ZNF410: variants seen among roughly 807,000 people sequenced by gnomAD.
ZNF410 encodes the protein another partner for ARF 1.
ZNF410 carries 18 observed loss-of-function variants against 54.8 expected under a neutral mutation model. That is an observed-to-expected ratio of 0.33 (90% confidence interval 0.23 to 0.49). ZNF410 has a LOEUF of 0.49. Among genes scored for constraint, ZNF410 ranks in the 20% least tolerant of loss-of-function variants. ZNF410 has a pLI of 0.99. For synonymous variants in ZNF410, 191 were observed against 207.3 expected (o/e 0.92, Z 0.68); for missense variants, 405 against 569.6 (o/e 0.71, Z 2.94).
chr14:73,911,907 A>G (rs775743521), intron 8 of ZNF410, among the ~76,000 whole-genome samples: 2 of 152,258 alleles, frequency 1.3e-5, no homozygotes, highest in African/African-American at 4.8e-5. Context: ...GTTGACTCCT[A>G]TAGAATAGCC....
intron 11 of ZNF410, among the ~76,000 whole-genome samples, chr14:73,925,398 G>A (rs1238827113): frequency 6.6e-6 from 1 of 151,854 alleles, no homozygotes; most frequent in East Asian, 1.9e-4. Context: ...AGTTACGGCT[G>A]AGAGCGGCAG....
At chr14:73,918,823 C>T (rs912157626) in intron 8 of ZNF410, among the ~76,000 whole-genome samples, 47 of 149,590 alleles carry the variant, frequency 3.1e-4, no homozygotes, top group Admixed American at 2.2e-3. Flanking sequence ...CTCAGCGTAC[C>T]GAGTAGCTGG....
chr14:73,896,133 G>C, intron 3 of ZNF410, 183 bp from the exon 4 acceptor site: 1 of 581,008 alleles, frequency 1.7e-6, no homozygotes, highest in Non-Finnish European at 3.0e-6. Flanking sequence ...TTGGCTGACT[G>C]CCTTTGGAAC....
chr14:73,907,121 C>G (rs1434646747), intron 7 of ZNF410, among the ~76,000 whole-genome samples: 1 of 152,086 alleles, frequency 6.6e-6, no homozygotes, highest in East Asian at 1.9e-4. Context: ...GATAAAGGAA[C>G]AGAAGATTAG....
intron 5 of ZNF410, among the ~76,000 whole-genome samples, chr14:73,900,263 G>A: frequency 6.6e-6 from 1 of 150,918 alleles, no homozygotes; most frequent in East Asian, 1.9e-4. Flanking sequence ...TACCCTAAAA[G>A]CCTTTTATTT....
Position 73,909,254 on chromosome 14 carries a change from G to A in ZNF410, c.914-87G>A. The A allele has an allele frequency of 7.9e-6, 9 of 1,135,058 alleles. No individual in the cohort carries two copies. The Admixed American group carries it at 1.1e-4, about 13-fold the overall frequency. 70.3% of individuals were successfully genotyped at this position (1,135,058 alleles called of 1,614,324 possible). On this transcript the variant is annotated intron_variant, in intron 7 of 11. Coordinates refer to ENST00000555044, the MANE Select transcript of ZNF410 (RefSeq NM_021188.3). ...ATAAATCAGAGTAGGTAAGTCATTA[G>A]ACTCTGAATAAAGTTGGTGGGAAAA...
At chr14:73,899,448 T>A (rs891890971) in intron 5 of ZNF410, among the ~76,000 whole-genome samples, 7 of 152,164 alleles carry the variant, frequency 4.6e-5, no homozygotes, top group African/African-American at 1.7e-4. Flanking sequence ...TAGTTCTGTT[T>A]ATGACTACCA....
chr14:73,898,115 G>T lies in ZNF410; in HGVS notation c.433G>T (p.Ala145Ser). ...AEHLVFVQDE[A>S]EDSGNDFLSS... ...GCACTTAGTGTTTGTACAGGATGAGGCAGAAGATTCAGGGAATGATTTCCT... is the reference window on the plus strand; with the variant it reads ...GCACTTAGTGTTTGTACAGGATGAGTCAGAAGATTCAGGGAATGATTTCCT... Residue 145 changes from alanine (A) to serine (S), a missense_variant, in exon 5 of 12, where the codon GCA becomes TCA. This residue lies in a region of ZNF410 where 247 missense variants were observed against 342.8 expected (regional missense o/e 0.72). Coordinates refer to ENST00000555044, the MANE Select transcript of ZNF410 (RefSeq NM_021188.3). 1 of 1,614,164 alleles carries T rather than the reference G, an allele frequency of 6.2e-7. No homozygotes were observed. The highest frequency in any genetic ancestry group is 8.5e-7 in the Non-Finnish European group (1 of 1,180,046).
At chr14:73,894,983 C>T (rs1051281254) in intron 3 of ZNF410, among the ~76,000 whole-genome samples, 1 of 151,720 alleles carries the variant, frequency 6.6e-6, no homozygotes, top group Non-Finnish European at 1.5e-5. Context: ...GGCAACATGG[C>T]GAGACCTCGT....
intron 1 of ZNF410, among the ~76,000 whole-genome samples, chr14:73,891,096 T>C (rs2055222364): frequency 6.6e-6 from 1 of 152,140 alleles, no homozygotes; most frequent in Non-Finnish European, 1.5e-5. Context: ...TTTAACTTTT[T>C]TTTTTTTAAA....
intron 6 of ZNF410, 92 bp downstream of exon 6, chr14:73,904,202 G>A: frequency 1.4e-6 from 2 of 1,385,764 alleles, no homozygotes; most frequent in East Asian, 2.4e-5. Context: ...ACAAATTACA[G>A]GAAAGTAGGG....
intron 7 of ZNF410, among the ~76,000 whole-genome samples, chr14:73,906,085 A>G (rs1396538108): frequency 6.8e-6 from 1 of 147,900 alleles, no homozygotes; most frequent in African/African-American, 2.5e-5. Context: ...TGCAAGCTCC[A>G]CCTCCTGGGT....
At position 73,923,486 on chromosome 14, in the gene ZNF410, T is replaced by C. The variant is rs754021529; in HGVS notation, c.1362T>C (p.Tyr454=). The change falls in exon 11 of 12, where the codon TAT becomes TAC. Residue 454 remains tyrosine, a synonymous_variant. Transcript: ENST00000555044. ...LVTMQSGRQS[Y]EVSVLTAVNP... is the part of the protein sequence containing the mutation. ...CCATGCAGTCAGGGAGGCAATCATA[T>C]GAAGTTTCTGTCTTAACTGCAGTAA... 5.6e-6 allele frequency: 9 copies of C among 1,613,854 alleles called. No individual in the cohort carries two copies. Among genetic ancestry groups the C allele is most frequent in the Admixed American group, 1.7e-5 (1 of 59,964 alleles).
chr14:73,927,653 T>C (rs1479747177), intron 11 of ZNF410, among the ~76,000 whole-genome samples: 1 of 152,164 alleles, frequency 6.6e-6, no homozygotes, highest in Non-Finnish European at 1.5e-5. Context: ...AGTTACCACA[T>C]ACCTAGTATG....
intron 8 of ZNF410, among the ~76,000 whole-genome samples, chr14:73,915,277 G>A (rs1031989543): frequency 6.8e-6 from 1 of 146,724 alleles, no homozygotes; most frequent in Non-Finnish European, 1.5e-5. Context: ...AAAAAAAAGT[G>A]GTGAGAGTAC....
At chr14:73,929,324 T>G (rs1158379366) in intron 11 of ZNF410, among the ~76,000 whole-genome samples, 1 of 152,110 alleles carries the variant, frequency 6.6e-6, no homozygotes, top group African/African-American at 2.4e-5. Flanking sequence ...ATCCAAGGTC[T>G]AGGTAATAAC....
At chr14:73,887,560 C>T (rs1021189543) in intron 1 of ZNF410, 2 of 152,092 alleles carry the variant, frequency 1.3e-5, no homozygotes, top group African/African-American at 4.8e-5. Context: ...TCATGAGGCT[C>T]AGAAATGCAT....
chr14:73,926,102 C>T (rs1050521200), intron 11 of ZNF410, among the ~76,000 whole-genome samples: 3 of 152,090 alleles, frequency 2.0e-5, no homozygotes, highest in Non-Finnish European at 4.4e-5. Context: ...GTTGTTGTTG[C>T]TGTTTATGAT....
At chr14:73,901,350 C>G (rs2140302262) in intron 5 of ZNF410, among the ~76,000 whole-genome samples, 1 of 151,958 alleles carries the variant, frequency 6.6e-6, no homozygotes, top group South Asian at 2.1e-4. Context: ...GTGGGCAGAT[C>G]ACTGGAGGTC....
Sources: gnomAD v4.1 joint callset for allele counts (sites outside exome capture counted in the v4.1 genomes callset) on GRCh38, gnomAD v4.1.1 for gene constraint, gnomAD v4.1.1 regional missense constraint, MANE v1.5 for transcripts, NCBI Gene and HGNC (gene_info 2026-07-23, HGNC 2026-07-21) for gene names.